The following SUGCT variants were observed in gnomAD, a reference collection of about 807,000 sequenced individuals.
The protein encoded by SUGCT is succinyl-CoA:glutarate CoA-transferase.
Under a neutral mutation model 55.0 loss-of-function variants are expected in SUGCT, and 41 were observed. That is an observed-to-expected ratio of 0.74 (90% CI 0.58 to 0.97). The LOEUF (loss-of-function observed/expected upper bound fraction) is 0.97, where lower values mean the gene tolerates loss of function less well. Among genes scored for constraint, SUGCT ranks in the 50% least tolerant of loss-of-function variants. SUGCT has a pLI of 0.00. For missense variants in SUGCT, 568 were observed against 547.8 expected (o/e 1.04, Z -0.37); for synonymous variants, 187 against 200.4 (o/e 0.93, Z 0.56).
At chr7:40,451,545 A>G (rs750875883) in intron 10 of SUGCT, among the ~76,000 whole-genome samples, 2 of 152,198 alleles carry the variant, frequency 1.3e-5, no homozygotes, top group Non-Finnish European at 2.9e-5. Flanking sequence ...ATTTTCTCAT[A>G]TGAGAGTTAG....
intron 12 of SUGCT, chr7:40,684,018 T>A: frequency 1.2e-6 from 2 of 1,611,148 alleles, no homozygotes; most frequent in Non-Finnish European, 1.7e-6. Context: ...TGTGGTTGTA[T>A]GACTGAGGTC....
At chr7:40,934,464 C>T in the SUGCT span, among the ~76,000 whole-genome samples, 1 of 152,200 alleles carries the variant, frequency 6.6e-6, no homozygotes, top group Non-Finnish European at 1.5e-5. Context: ...AGAATCACTG[C>T]TCTCTTTGGG....
At chr7:40,749,637 C>G (rs1317910089) in intron 13 of SUGCT, 140 bp downstream of exon 13, 1 of 677,252 alleles carries the variant, frequency 1.5e-6, no homozygotes. Context: ...AAAGGGGAAT[C>G]CTAGGACTGC....
At chr7:40,698,235 A>C (rs983713540) in intron 12 of SUGCT, among the ~76,000 whole-genome samples, 24 of 152,356 alleles carry the variant, frequency 1.6e-4, no homozygotes, top group African/African-American at 5.3e-4. Context: ...TGCATAATGC[A>C]GGTGAATGTC....
intron 9 of SUGCT, among the ~76,000 whole-genome samples, chr7:40,317,895 G>T (rs1434811704): frequency 6.6e-6 from 1 of 152,140 alleles, no homozygotes; most frequent in East Asian, 1.9e-4. Context: ...TTTCACTGTA[G>T]CACTGCTTTT....
chr7:40,516,483 G>A (rs1209300328), intron 12 of SUGCT, among the ~76,000 whole-genome samples: 3 of 152,108 alleles, frequency 2.0e-5, no homozygotes, highest in Admixed American at 2.0e-4. Flanking sequence ...ACCATTTACA[G>A]TCAAGTCTCT....
chr7:40,555,096 A>G (rs1337735562), intron 12 of SUGCT, among the ~76,000 whole-genome samples: 3 of 152,166 alleles, frequency 2.0e-5, no homozygotes, highest in Admixed American at 6.5e-5. Flanking sequence ...ATATGATCTC[A>G]AAGTAGTACG....
At chr7:40,265,941 A>C (rs1434543764) in intron 7 of SUGCT, among the ~76,000 whole-genome samples, 2 of 147,230 alleles carry the variant, frequency 1.4e-5, no homozygotes, top group African/African-American at 5.1e-5. Context: ...ACAGAGCAAA[A>C]CTCTGTCTCA....
chr7:40,212,730 T>A (rs1787413474), intron 6 of SUGCT, among the ~76,000 whole-genome samples: 2 of 152,130 alleles, frequency 1.3e-5, no homozygotes, highest in Admixed American at 1.3e-4. Context: ...AGACAGGGTT[T>A]CACCATGTTG....
intron 9 of SUGCT, among the ~76,000 whole-genome samples, chr7:40,349,355 TG>T (rs1317112331): frequency 1.3e-5 from 2 of 152,218 alleles, no homozygotes; most frequent in Non-Finnish European, 2.9e-5. Flanking sequence ...CTTTCCTTTT[TG>T]TCTTTTTTTG....
At chr7:40,222,310 A>G (rs555814574) in intron 6 of SUGCT, among the ~76,000 whole-genome samples, 181 of 152,366 alleles carry the variant, frequency 1.2e-3, no homozygotes, top group African/African-American at 4.3e-3. Context: ...GGGAGCAGCA[A>G]TGCTGGGTCA....
At chr7:40,249,335 A>C (rs1339162899) in intron 7 of SUGCT, among the ~76,000 whole-genome samples, 9 of 124,066 alleles carry the variant, frequency 7.3e-5, no homozygotes, top group Middle Eastern at 4.0e-3. Flanking sequence ...ATATATATAT[A>C]TATATATATA....
At position 40,241,961 on chromosome 7, in the gene SUGCT, A is replaced by C. The variant is rs74887028; in HGVS notation, c.576+4235A>C. 6.6e-5 allele frequency among the ~76,000 whole-genome samples: 10 copies of C among 150,382 alleles called. 1 individual carries two copies. In the East Asian group the frequency reaches 1.9e-3, roughly 29 times the overall value. ...CCGTCTTTATCATGTGATTTTGGGT[A>C]AACTAATTACTGTTGACCTTTACTA... On this transcript the variant is annotated intron_variant, in intron 7 of 13. Transcript: ENST00000335693.
At chr7:40,386,731 C>T (rs1785149107) in intron 9 of SUGCT, among the ~76,000 whole-genome samples, 1 of 152,126 alleles carries the variant, frequency 6.6e-6, no homozygotes, top group Non-Finnish European at 1.5e-5. Flanking sequence ...GACTGTTGTC[C>T]CAGGGGTGTG....
chr7:40,460,517 C>T (rs1358927424), intron 11 of SUGCT, among the ~76,000 whole-genome samples: 5 of 152,170 alleles, frequency 3.3e-5, no homozygotes, highest in African/African-American at 7.2e-5. Context: ...TCCTTTCACA[C>T]GATGGTTACC....
chr7:40,205,723 A>ATCC (rs1309140283), intron 6 of SUGCT, among the ~76,000 whole-genome samples: 153 of 152,090 alleles, frequency 1.0e-3, no homozygotes, highest in African/African-American at 3.5e-3. Flanking sequence ...GGGATATGCA[A>ATCC]GTACCCTCTC....
At chr7:40,347,534 T>C (rs890443484) in intron 9 of SUGCT, among the ~76,000 whole-genome samples, 1 of 152,182 alleles carries the variant, frequency 6.6e-6, no homozygotes, top group Non-Finnish European at 1.5e-5. Flanking sequence ...ATAAGATAGA[T>C]GAATTGAAGA....
rs76998129 is a variant in SUGCT at position 40,693,856 on chromosome 7, A to G, written c.1090-55578A>G. On this transcript the variant is annotated intron_variant, in intron 12 of 13. Transcript: ENST00000335693. ...TGACCTGGGAAAGTTCTACGGGAAG[A>G]CACTTCTTTCAATCACTAATTTAAA... Among the ~76,000 whole-genome samples the G allele has an allele frequency of 7.9e-3, 1,198 of 152,344 alleles. 8 individuals are homozygous for G. Among genetic ancestry groups the G allele is most frequent in the Middle Eastern group, 0.014 (4 of 294 alleles).
At chr7:40,733,960 G>T (rs1321564871) in intron 12 of SUGCT, among the ~76,000 whole-genome samples, 3 of 152,136 alleles carry the variant, frequency 2.0e-5, no homozygotes. Context: ...AAGAAAATTT[G>T]TTAAGGAAGC....
Sources: gnomAD v4.1 joint callset for allele counts (sites outside exome capture counted in the v4.1 genomes callset) on GRCh38, gnomAD v4.1.1 for gene constraint, MANE v1.5 for transcripts, NCBI Gene and HGNC (gene_info 2026-07-23, HGNC 2026-07-21) for gene names.